AFG2A: variants seen among roughly 807,000 people sequenced by gnomAD.
AFG2A encodes the protein AAA ATPase AFG2A.
At chr4:122,989,248 T>C in the AFG2A span, among the ~76,000 whole-genome samples, 3 of 152,192 alleles carry the variant, frequency 2.0e-5, no homozygotes, top group Admixed American at 2.0e-4. Flanking sequence ...GATTGGTTTC[T>C]GTAGGGAAAG....
At chr4:123,006,266 C>T in the AFG2A span, among the ~76,000 whole-genome samples, 1 of 151,828 alleles carries the variant, frequency 6.6e-6, no homozygotes. Context: ...AATCTGCTTT[C>T]TTCATTTTCT....
At chr4:123,017,249 G>C in the AFG2A span, among the ~76,000 whole-genome samples, 41 of 133,454 alleles carry the variant, frequency 3.1e-4, no homozygotes, top group South Asian at 2.7e-4. Context: ...AGAGGGAGAG[G>C]GAGAGCGAGA....
chr4:122,981,912 T>G, the AFG2A span, among the ~76,000 whole-genome samples: 1 of 152,000 alleles, frequency 6.6e-6, no homozygotes, highest in African/African-American at 2.4e-5. Context: ...TGGTGGAATA[T>G]TTAGGGTTTC....
At chr4:123,063,984 T>C in the AFG2A span, among the ~76,000 whole-genome samples, 1 of 152,190 alleles carries the variant, frequency 6.6e-6, no homozygotes, top group South Asian at 2.1e-4. Flanking sequence ...TTGTTAGTCA[T>C]TGAAGTCTTT....
chr4:123,293,322 C>A, the AFG2A span, among the ~76,000 whole-genome samples: 1 of 152,072 alleles, frequency 6.6e-6, no homozygotes, highest in East Asian at 1.9e-4. Flanking sequence ...ACCACTTAGC[C>A]CAGCACTGCA....
chr4:123,247,159 T>C, the AFG2A span, among the ~76,000 whole-genome samples: 3 of 152,098 alleles, frequency 2.0e-5, no homozygotes, highest in Non-Finnish European at 4.4e-5. Context: ...ATATTGCCCA[T>C]GGTTTCATAA....
At chr4:123,284,507 G>C in the AFG2A span, among the ~76,000 whole-genome samples, 123,223 of 152,170 alleles carry the variant, frequency 0.81, 50,386 homozygotes, top group Non-Finnish European at 0.86. Flanking sequence ...ACTTCTAGGT[G>C]TAATATAATC....
At chr4:123,216,425 G>C in the AFG2A span, among the ~76,000 whole-genome samples, 1 of 152,078 alleles carries the variant, frequency 6.6e-6, no homozygotes, top group African/African-American at 2.4e-5. Flanking sequence ...GCCTTAGAGA[G>C]TTGCTTTAAG....
the AFG2A span, among the ~76,000 whole-genome samples, chr4:123,194,786 A>G: frequency 6.6e-6 from 1 of 152,090 alleles, no homozygotes; most frequent in Admixed American, 6.5e-5. Flanking sequence ...GGCAATGGCA[A>G]AAACAGTTTC....
chr4:123,080,322 C>T, the AFG2A span, among the ~76,000 whole-genome samples: 987 of 152,296 alleles, frequency 6.5e-3, 14 homozygotes, highest in African/African-American at 0.022. Flanking sequence ...ACAGCGAGAC[C>T]GCAGCCACCT....
At chr4:123,297,953 A>G in the AFG2A span, among the ~76,000 whole-genome samples, 59 of 152,176 alleles carry the variant, frequency 3.9e-4, no homozygotes, top group African/African-American at 1.3e-3. Context: ...CAGTTTTTAC[A>G]TCCTCTCTCT....
the AFG2A span, among the ~76,000 whole-genome samples, chr4:122,974,509 G>A: frequency 2.0e-5 from 3 of 152,176 alleles, no homozygotes; most frequent in Admixed American, 6.5e-5. Context: ...AACTTATGAT[G>A]GGGTTATGTC....
the AFG2A span, among the ~76,000 whole-genome samples, chr4:122,997,186 T>G: frequency 6.6e-6 from 1 of 152,156 alleles, no homozygotes; most frequent in Non-Finnish European, 1.5e-5. Flanking sequence ...TACCAAACAA[T>G]TTATTCATTT....
At chr4:123,037,117 C>T in the AFG2A span, among the ~76,000 whole-genome samples, 1,383 of 151,926 alleles carry the variant, frequency 9.1e-3, 9 homozygotes, top group Non-Finnish European at 0.014. Context: ...ACTAAAAGCA[C>T]CAGGCAGGTG....
chr4:123,144,298 AATAG>A, the AFG2A span, among the ~76,000 whole-genome samples: 1 of 152,160 alleles, frequency 6.6e-6, no homozygotes, highest in East Asian at 1.9e-4. Flanking sequence ...ATTTTTTTCT[AATAG>A]ATACCTTTCT....
the AFG2A span, among the ~76,000 whole-genome samples, chr4:123,055,040 C>T: frequency 1.8e-4 from 27 of 152,270 alleles, no homozygotes; most frequent in South Asian, 5.0e-3. Context: ...ATTGCTTACA[C>T]GATAAAATCT....
At chr4:123,081,368 T>C in the AFG2A span, among the ~76,000 whole-genome samples, 2 of 152,210 alleles carry the variant, frequency 1.3e-5, no homozygotes, top group Non-Finnish European at 2.9e-5. Context: ...GCAGTGTTCC[T>C]GTAGTTGGAA....
chr4:123,016,216 T>G, the AFG2A span, among the ~76,000 whole-genome samples: 2 of 84,870 alleles, frequency 2.4e-5, no homozygotes, highest in African/African-American at 4.8e-5. Context: ...AGGGGGCTGA[T>G]CCCCCCACCT....
the AFG2A span, among the ~76,000 whole-genome samples, chr4:123,061,775 C>T: frequency 5.9e-5 from 9 of 152,152 alleles, no homozygotes; most frequent in African/African-American, 1.7e-4. Flanking sequence ...TTATTACTTA[C>T]GTTTTAAGAT....
Sources: gnomAD v4.1 joint callset for allele counts (sites outside exome capture counted in the v4.1 genomes callset) on GRCh38, gnomAD v4.1.1 for gene constraint, MANE v1.5 for transcripts, NCBI Gene and HGNC (gene_info 2026-07-23, HGNC 2026-07-21) for gene names.